Variants in TBL1XR1 observed in about 807,000 individuals in gnomAD.
TBL1XR1 encodes the protein F-box-like/WD repeat-containing protein TBL1XR1.
A neutral mutation model predicts 66.9 loss-of-function variants in TBL1XR1; 5 were observed. That is an observed-to-expected ratio of 0.07 (90% CI 0.04 to 0.16). The LOEUF (loss-of-function observed/expected upper bound fraction) is 0.16. Ranked by LOEUF, TBL1XR1 falls within the 10% of genes least tolerant of loss-of-function variation. TBL1XR1 has a pLI of 1.00. For synonymous variants in TBL1XR1, 210 were observed against 206.0 expected (o/e 1.02, Z -0.17); for missense variants, 238 against 623.2 (o/e 0.38, Z 6.58).
chr3:177,056,188 T>C (rs936825265), intron 3 of TBL1XR1, among the ~76,000 whole-genome samples: 1 of 152,228 alleles, frequency 6.6e-6, no homozygotes, highest in Admixed American at 6.5e-5. Context: ...TCTTGACTTA[T>C]GTAATGCTTA....
chr3:177,053,712 A>G, intron 4 of TBL1XR1, 61 bp downstream of exon 4: 8 of 1,482,926 alleles, frequency 5.4e-6, no homozygotes, highest in African/African-American at 1.4e-5. Context: ...CAAGCAAGAC[A>G]GCTGACTTAA....
chr3:177,108,187 C>T (rs1003697436), intron 1 of TBL1XR1, among the ~76,000 whole-genome samples: 1 of 151,942 alleles, frequency 6.6e-6, no homozygotes, highest in African/African-American at 2.4e-5. Flanking sequence ...AATTAACAGA[C>T]CAAGCAAAAA....
chr3:177,185,050 G>A (rs183450942), intron 1 of TBL1XR1, among the ~76,000 whole-genome samples: 1 of 152,120 alleles, frequency 6.6e-6, no homozygotes, highest in East Asian at 1.9e-4. Flanking sequence ...GTTTTTAAAA[G>A]CTTAACCACA....
chr3:177,077,205 A>G (rs1720802499), intron 2 of TBL1XR1, among the ~76,000 whole-genome samples: 1 of 152,252 alleles, frequency 6.6e-6, no homozygotes, highest in Non-Finnish European at 1.5e-5. Context: ...AGGGAATATA[A>G]TCTAAGAACT....
At chr3:177,119,041 G>A (rs943320320) in intron 1 of TBL1XR1, among the ~76,000 whole-genome samples, 2 of 151,982 alleles carry the variant, frequency 1.3e-5, no homozygotes, top group African/African-American at 4.8e-5. Flanking sequence ...GCATGATCTC[G>A]GTTCACTGTA....
At chr3:177,058,186 C>T (rs1395432667) in intron 3 of TBL1XR1, among the ~76,000 whole-genome samples, 1 of 152,128 alleles carries the variant, frequency 6.6e-6, no homozygotes, top group African/African-American at 2.4e-5. Context: ...TAGTCTGAAA[C>T]GAAAATCTGA....
At chr3:177,156,466 C>T (rs2108871763) in intron 1 of TBL1XR1, among the ~76,000 whole-genome samples, 1 of 149,644 alleles carries the variant, frequency 6.7e-6, no homozygotes, top group Middle Eastern at 3.5e-3. Context: ...GCCATTGCAG[C>T]CTAGGGACAG....
At chr3:177,105,644 C>CT (rs911532575) in intron 1 of TBL1XR1, among the ~76,000 whole-genome samples, 13 of 152,198 alleles carry the variant, frequency 8.5e-5, no homozygotes, top group Non-Finnish European at 1.8e-4. Flanking sequence ...AGAAGACTGT[C>CT]TTTGATTAGC....
intron 2 of TBL1XR1, among the ~76,000 whole-genome samples, chr3:177,095,374 A>G (rs567864651): frequency 1.3e-5 from 2 of 152,274 alleles, no homozygotes; most frequent in Admixed American, 6.5e-5. Flanking sequence ...AGTCAAAATA[A>G]TAATATACAC....
chr3:177,182,057 C>T (rs929855791), intron 1 of TBL1XR1, among the ~76,000 whole-genome samples: 17 of 152,224 alleles, frequency 1.1e-4, no homozygotes, highest in African/African-American at 4.1e-4. Context: ...AACCAAAGAG[C>T]AGGGTGCCAG....
rs372510904 is a variant in TBL1XR1, at chr3:177,148,097, T to C, written c.-122+49024A>G. ...TGGAAACAAGTCCGTTATTTTATAA[T>C]TTTTTTGTTCTGAATGAAGAATCAA... is the stretch of plus-strand genomic sequence containing the variant. On this transcript the variant is annotated intron_variant, in intron 1 of 15. Coordinates refer to ENST00000457928, the MANE Select transcript of TBL1XR1 (RefSeq NM_024665.7). Among the ~76,000 whole-genome samples, 28 of 152,342 alleles carry C rather than the reference T, an allele frequency of 1.8e-4. 2 individuals carry two copies. Among genetic ancestry groups the C allele is most frequent in the African/African-American group, 6.7e-4 (28 of 41,580 alleles).
chr3:177,159,484 A>G (rs1350502746), intron 1 of TBL1XR1, among the ~76,000 whole-genome samples: 1 of 152,226 alleles, frequency 6.6e-6, no homozygotes, highest in African/African-American at 2.4e-5. Flanking sequence ...TATAAATGAC[A>G]AGCTTGATCA....
intron 1 of TBL1XR1, among the ~76,000 whole-genome samples, chr3:177,170,486 T>C (rs999689185): frequency 1.3e-5 from 2 of 152,184 alleles, no homozygotes; most frequent in Non-Finnish European, 2.9e-5. Context: ...CAGGTGCTCC[T>C]AAAAACAGCC....
upstream of TBL1XR1, among the ~76,000 whole-genome samples, chr3:177,197,585 G>GCGT (rs1019318693): frequency 1.4e-5 from 2 of 140,918 alleles, no homozygotes; most frequent in African/African-American, 5.1e-5. Context: ...GGCGGCGGCG[G>GCGT]CCGCGCAGCA....
intron 7 of TBL1XR1, chr3:177,047,785 G>A (rs1350289666): frequency 3.0e-5 from 15 of 496,578 alleles, no homozygotes; most frequent in Non-Finnish European, 3.6e-6. Flanking sequence ...GACAGTGATT[G>A]CTCTGGACCA....
At chr3:177,158,912 C>A (rs1731840985) in intron 1 of TBL1XR1, among the ~76,000 whole-genome samples, 1 of 152,086 alleles carries the variant, frequency 6.6e-6, no homozygotes, top group South Asian at 2.1e-4. Context: ...TCCTGCGGGC[C>A]ACATTAAACT....
intron 1 of TBL1XR1, among the ~76,000 whole-genome samples, chr3:177,174,659 T>C (rs1028924080): frequency 3.9e-5 from 6 of 152,104 alleles, no homozygotes; most frequent in Admixed American, 3.3e-4. Flanking sequence ...GAATCTCCAA[T>C]TGCATTTTTT....
At chr3:177,169,891 CCTT>C (rs59221429) in intron 1 of TBL1XR1, among the ~76,000 whole-genome samples, 4,850 of 152,242 alleles carry the variant, frequency 0.032, 213 homozygotes, top group African/African-American at 0.099. Context: ...CTAAAATACT[CCTT>C]ATTGATCAGC....
intron 6 of TBL1XR1, 24 bp downstream of exon 6, chr3:177,050,454 T>C (rs745640522): frequency 2.5e-6 from 4 of 1,611,600 alleles, no homozygotes; most frequent in Non-Finnish European, 1.7e-6. Context: ...TTAAGTCATT[T>C]TAGTATCACT....
Sources: gnomAD v4.1 joint callset for allele counts (sites outside exome capture counted in the v4.1 genomes callset) on GRCh38, gnomAD v4.1.1 for gene constraint, MANE v1.5 for transcripts, NCBI Gene and HGNC (gene_info 2026-07-23, HGNC 2026-07-21) for gene names.